The following IQCJ variants were observed in gnomAD, a reference collection of about 807,000 sequenced individuals.
IQCJ encodes the protein IQ domain-containing protein J.
A neutral mutation model predicts 11.0 loss-of-function variants in IQCJ; 9 were observed. The observed-to-expected ratio is 0.82, with a 90% confidence interval of 0.49 to 1.43. IQCJ has a LOEUF of 1.43. Ranked by LOEUF, IQCJ falls within the 40% of genes most tolerant of loss-of-function variation. IQCJ has a pLI of 0.00. For missense variants in IQCJ, 146 were observed against 133.2 expected, an observed-to-expected ratio of 1.10 and a Z score of -0.47; for synonymous variants, 55 against 51.3, an observed-to-expected ratio of 1.07 and a Z score of -0.31.
intron 1 of IQCJ, among the ~76,000 whole-genome samples, chr3:159,151,319 A>G (rs1721203290): frequency 6.6e-6 from 1 of 152,194 alleles, no homozygotes; most frequent in African/African-American, 2.4e-5. Context: ...TGTGCTTCGG[A>G]GGCCAGCACT....
intron 1 of IQCJ, among the ~76,000 whole-genome samples, chr3:159,196,180 T>G (rs753331280): frequency 1.3e-5 from 2 of 152,204 alleles, no homozygotes; most frequent in Non-Finnish European, 2.9e-5. Flanking sequence ...TCAGAGCCCA[T>G]GCTCACAATC....
At chr3:159,188,737 C>T (rs1455368178) in intron 1 of IQCJ, among the ~76,000 whole-genome samples, 3 of 152,130 alleles carry the variant, frequency 2.0e-5, no homozygotes, top group Non-Finnish European at 2.9e-5. Context: ...AGTTCTCTTA[C>T]TTGCCTTGGT....
chr3:159,163,678 A>G (rs1200501796), intron 1 of IQCJ, among the ~76,000 whole-genome samples: 1 of 152,108 alleles, frequency 6.6e-6, no homozygotes, highest in East Asian at 1.9e-4. Context: ...TTTTTCATGT[A>G]TTATCTCACT....
intron 1 of IQCJ, among the ~76,000 whole-genome samples, chr3:159,075,732 C>T (rs572795932): frequency 2.0e-5 from 3 of 152,168 alleles, no homozygotes; most frequent in Admixed American, 6.5e-5. Context: ...TTTAGGGAAG[C>T]GATCTGTATG....
At chr3:159,117,528 C>T (rs1719102335) in intron 1 of IQCJ, among the ~76,000 whole-genome samples, 2 of 152,132 alleles carry the variant, frequency 1.3e-5, no homozygotes, top group Admixed American at 6.5e-5. Context: ...GCTAGGAACT[C>T]CAGGCATAGC....
At chr3:159,104,581 A>G (rs1718131169) in intron 1 of IQCJ, among the ~76,000 whole-genome samples, 1 of 152,088 alleles carries the variant, frequency 6.6e-6, no homozygotes, top group Non-Finnish European at 1.5e-5. Context: ...TAAATCCCCC[A>G]TGCATTATTT....
At chr3:159,241,592 A>G (rs1726927961) in intron 1 of IQCJ, among the ~76,000 whole-genome samples, 1 of 152,076 alleles carries the variant, frequency 6.6e-6, no homozygotes, top group Admixed American at 6.5e-5. Context: ...TCCTTCAGTT[A>G]GTACCTGTCA....
Position 159,200,030 on chromosome 3 carries a change from CTA to C in IQCJ, c.10-45796_10-45795del, listed in dbSNP as rs368929112. Among the ~76,000 whole-genome samples the C allele has an allele frequency of 3.5e-3, 417 of 119,718 alleles. 13 individuals are homozygous for C. The highest frequency in any genetic ancestry group is 9.3e-3 in the African/African-American group (282 of 30,354). The allele number at this position is 119,718 out of a possible 152,430, so 78.5% of individuals were successfully genotyped here. ...TAAGATTGTTATAAGGAGTAAACGA[CTA>C]TATATATATATATATAAATCTAAAT... On this transcript the variant is annotated intron_variant, in intron 1 of 3. Transcript: ENST00000397832.
chr3:159,251,754 C>A (rs1370838845), intron 2 of IQCJ, among the ~76,000 whole-genome samples: 1 of 152,024 alleles, frequency 6.6e-6, no homozygotes, highest in Non-Finnish European at 1.5e-5. Flanking sequence ...CCAACCAGTG[C>A]CTTCTGGTGG....
chr3:159,201,926 G>T (rs1724371466), intron 1 of IQCJ, among the ~76,000 whole-genome samples: 1 of 152,152 alleles, frequency 6.6e-6, no homozygotes, highest in Non-Finnish European at 1.5e-5. Context: ...GGAGCTTATA[G>T]TTTGAAAGGC....
chr3:159,204,532 CAAG>C (rs1399162128), intron 1 of IQCJ, among the ~76,000 whole-genome samples: 2 of 152,182 alleles, frequency 1.3e-5, no homozygotes, highest in African/African-American at 4.8e-5. Context: ...CTCCAAAAGA[CAAG>C]AAGTGGAAGC....
At chr3:159,137,964 T>C (rs1720392248) in intron 1 of IQCJ, among the ~76,000 whole-genome samples, 1 of 152,232 alleles carries the variant, frequency 6.6e-6, no homozygotes, top group Non-Finnish European at 1.5e-5. Flanking sequence ...ATATATAAAA[T>C]GCAAATTACA....
At chr3:159,214,692 G>A (rs899527729) in intron 1 of IQCJ, among the ~76,000 whole-genome samples, 4 of 152,188 alleles carry the variant, frequency 2.6e-5, no homozygotes, top group African/African-American at 9.7e-5. Context: ...CTTAGCACCA[G>A]TGTGGGGCCT....
At chr3:159,239,843 C>G (rs1726811283) in intron 1 of IQCJ, among the ~76,000 whole-genome samples, 1 of 152,112 alleles carries the variant, frequency 6.6e-6, no homozygotes, top group Non-Finnish European at 1.5e-5. Context: ...CTTACAGTAA[C>G]ATATGCTTTA....
intron 1 of IQCJ, among the ~76,000 whole-genome samples, chr3:159,181,035 G>A (rs1723062657): frequency 6.6e-6 from 1 of 151,748 alleles, no homozygotes; most frequent in Non-Finnish European, 1.5e-5. Context: ...TCATAGCTAA[G>A]TATCTTCAAG....
At chr3:159,205,032 G>A (rs1239611334) in intron 1 of IQCJ, among the ~76,000 whole-genome samples, 4 of 152,154 alleles carry the variant, frequency 2.6e-5, no homozygotes, top group Admixed American at 2.0e-4. Context: ...TTTCCAGGTT[G>A]ACCAGCAGCA....
chr3:159,234,769 G>C (rs191887879), intron 1 of IQCJ, among the ~76,000 whole-genome samples: 2 of 152,320 alleles, frequency 1.3e-5, no homozygotes, highest in Admixed American at 1.3e-4. Context: ...GGGGGAGATA[G>C]ATCGGTATGA....
chr3:159,189,857 ACT>A (rs1723583336), intron 1 of IQCJ, among the ~76,000 whole-genome samples: 1 of 152,150 alleles, frequency 6.6e-6, no homozygotes, highest in Non-Finnish European at 1.5e-5. Context: ...CCAAGTCCTA[ACT>A]GTTCTTTCCC....
At chr3:159,174,731 T>G (rs535208850) in intron 1 of IQCJ, among the ~76,000 whole-genome samples, 1 of 152,188 alleles carries the variant, frequency 6.6e-6, no homozygotes, top group Non-Finnish European at 1.5e-5. Flanking sequence ...TACACAGAAA[T>G]TTATTCATAA....
Sources: allele counts gnomAD v4.1 joint callset (sites outside exome capture counted in the v4.1 genomes callset), GRCh38; gene constraint gnomAD v4.1.1; transcripts MANE v1.5; gene names NCBI Gene and HGNC (gene_info 2026-07-23, HGNC 2026-07-21).